Variants in USP25 observed in about 807,000 individuals in gnomAD.
The protein encoded by USP25 is ubiquitin carboxyl-terminal hydrolase 25.
A neutral mutation model predicts 158.5 loss-of-function variants in USP25; 85 were observed. That is an observed-to-expected ratio of 0.54 (90% CI 0.45 to 0.64). USP25 has a LOEUF of 0.64. Among genes scored for constraint, USP25 ranks in the 30% least tolerant of loss-of-function variants. The pLI, the probability that USP25 is intolerant of heterozygous loss-of-function variation, is 0.00. For synonymous variants in USP25, 464 were observed against 460.4 expected, an observed-to-expected ratio of 1.01 and a Z score of -0.10; for missense variants, 1,242 against 1,327.3, an observed-to-expected ratio of 0.94 and a Z score of 1.00.
At chr21:15,769,838 TA>T (rs1484450888) in intron 3 of USP25, among the ~76,000 whole-genome samples, 1 of 152,104 alleles carries the variant, frequency 6.6e-6, no homozygotes, top group Non-Finnish European at 1.5e-5. Context: ...GATCAAAAGA[TA>T]AGAGGGATTT....
intron 4 of USP25, among the ~76,000 whole-genome samples, chr21:15,779,737 G>A (rs1045044223): frequency 1.3e-5 from 2 of 151,622 alleles, no homozygotes; most frequent in African/African-American, 2.4e-5. Context: ...TTCATTCTAG[G>A]TCTTTTACAT....
At position 15,730,290 on chromosome 21, in the gene USP25, T is replaced by C. The variant is rs975902023; in HGVS notation, c.-104T>C. On this transcript the variant is annotated 5_prime_UTR_variant, in exon 1 of 26. Transcript: ENST00000400183. ...GCGGGGGCGCTGTCCTCCCAGGCCGTCCGCGCCGCTCCCTGGAGCTCGGCG... is the reference window on the plus strand; with the variant it reads ...GCGGGGGCGCTGTCCTCCCAGGCCGCCCGCGCCGCTCCCTGGAGCTCGGCG... 5.0e-6 allele frequency: 5 copies of C among 993,346 alleles called. No homozygotes were observed. Among genetic ancestry groups the C allele is most frequent in the African/African-American group, 1.8e-5 (1 of 57,040 alleles). The allele number at this position is 993,346 out of a possible 1,614,324, so 61.5% of individuals were successfully genotyped here. A position where few individuals can be genotyped will look rare whatever the true frequency, so the allele number is the denominator to read the frequency against.
chr21:15,800,655 G>T (rs2146253725), intron 6 of USP25, among the ~76,000 whole-genome samples: 1 of 151,460 alleles, frequency 6.6e-6, no homozygotes, highest in Non-Finnish European at 1.5e-5. Context: ...GGTTGATCTT[G>T]TCATAAACAA....
At chr21:15,782,270 C>A (rs1040477136) in intron 4 of USP25, among the ~76,000 whole-genome samples, 3 of 152,218 alleles carry the variant, frequency 2.0e-5, no homozygotes, top group African/African-American at 7.2e-5. Flanking sequence ...TGTGAACTTG[C>A]TCCCAGCTTG....
chr21:15,811,268 C>T (rs1230526049), intron 9 of USP25, 58 bp downstream of exon 9: 15 of 1,445,120 alleles, frequency 1.0e-5, no homozygotes, highest in African/African-American at 4.3e-5. Context: ...TTCATTCATT[C>T]GTCTCGATAG....
chr21:15,829,134 A>G (rs972805693), intron 14 of USP25, among the ~76,000 whole-genome samples: 2 of 152,162 alleles, frequency 1.3e-5, no homozygotes, highest in African/African-American at 4.8e-5. Context: ...GGTCTTCGAT[A>G]TACATATTTA....
intron 1 of USP25, among the ~76,000 whole-genome samples, chr21:15,760,253 C>T (rs1373655259): frequency 6.6e-6 from 1 of 152,200 alleles, no homozygotes; most frequent in Non-Finnish European, 1.5e-5. Context: ...TTAAAGAAGT[C>T]TCATTCATTT....
At chr21:15,762,512 G>A (rs868617844) in intron 1 of USP25, among the ~76,000 whole-genome samples, 2 of 152,144 alleles carry the variant, frequency 1.3e-5, no homozygotes, top group South Asian at 2.1e-4. Flanking sequence ...ATGTCTTGCC[G>A]AAAGCATGTC....
chr21:15,737,694 A>G (rs1035811919), intron 1 of USP25, among the ~76,000 whole-genome samples: 64 of 152,162 alleles, frequency 4.2e-4, no homozygotes, highest in African/African-American at 1.4e-3. Flanking sequence ...TTATATTTGC[A>G]ACATTTTATA....
At chr21:15,787,325 A>G (rs2123578582) in intron 4 of USP25, among the ~76,000 whole-genome samples, 1 of 152,244 alleles carries the variant, frequency 6.6e-6, no homozygotes, top group East Asian at 1.9e-4. Flanking sequence ...AACAAAAGGT[A>G]GAGGCATCAC....
intron 20 of USP25, among the ~76,000 whole-genome samples, chr21:15,856,404 C>G (rs2146516980): frequency 6.6e-6 from 1 of 152,266 alleles, no homozygotes; most frequent in African/African-American, 2.4e-5. Flanking sequence ...ATAGATGAGA[C>G]TGGCTTACAT....
chr21:15,811,878 A>G (rs1041380029), intron 9 of USP25, among the ~76,000 whole-genome samples: 1 of 152,176 alleles, frequency 6.6e-6, no homozygotes, highest in African/African-American at 2.4e-5. Context: ...CACCCAATGC[A>G]TCAACTTTTG....
chr21:15,809,386 C>T (rs1277827496), intron 8 of USP25, among the ~76,000 whole-genome samples: 1 of 151,880 alleles, frequency 6.6e-6, no homozygotes, highest in Non-Finnish European at 1.5e-5. Flanking sequence ...TTTTGTTGGG[C>T]AGAGCTATGT....
At chr21:15,849,701 A>G in intron 19 of USP25, 76 bp from the exon 20 acceptor site, 1 of 1,128,746 alleles carries the variant, frequency 8.9e-7, no homozygotes, top group South Asian at 1.6e-5. Context: ...GGAAAACAAA[A>G]GAGTTTCAGC....
chr21:15,734,541 C>G (rs576941716), intron 1 of USP25, among the ~76,000 whole-genome samples: 1 of 152,186 alleles, frequency 6.6e-6, no homozygotes, highest in South Asian at 2.1e-4. Context: ...TGTATCCAGT[C>G]TTTTAAATGA....
chr21:15,798,175 C>A (rs1315854376), intron 5 of USP25, among the ~76,000 whole-genome samples: 3 of 151,242 alleles, frequency 2.0e-5, no homozygotes, highest in African/African-American at 7.3e-5. Context: ...GGTTATTTCT[C>A]TGTCCTTAAT....
At chr21:15,866,793 A>T (rs186743466) in intron 22 of USP25, among the ~76,000 whole-genome samples, 15 of 152,252 alleles carry the variant, frequency 9.9e-5, no homozygotes, top group African/African-American at 2.9e-4. Flanking sequence ...ACACTGTAAG[A>T]TAGGTAGTGT....
intron 5 of USP25, among the ~76,000 whole-genome samples, chr21:15,792,066 GAATTATAGACACTT>G (rs2035617925): frequency 1.3e-5 from 2 of 151,838 alleles, no homozygotes; most frequent in African/African-American, 4.8e-5. Flanking sequence ...GTTATTTATA[GAATTATAGACACTT>G]AGTATTTTTA....
At position 15,808,811 on chromosome 21, in the gene USP25, A is replaced by G; in HGVS notation, c.783A>G (p.Gln261=). 9.4e-6 allele frequency: 15 copies of G among 1,599,606 alleles called. No individual in the cohort carries two copies. Among genetic ancestry groups the G allele is most frequent in the Non-Finnish European group, 1.0e-5 (12 of 1,176,114 alleles). Residue 261 remains glutamine, a splice_region_variant and synonymous_variant, in exon 8 of 26, where the codon CAA becomes CAG. Transcript: ENST00000400183. ...AACAGGCTTTTTTCTTTTCACAGCA[A>G]GATGTGAGTGAGTTTACACACAAAT... ...DAFKSNDSQQ[Q]DVSEFTHKLL...
Sources: allele counts gnomAD v4.1 joint callset (sites outside exome capture counted in the v4.1 genomes callset), GRCh38; gene constraint gnomAD v4.1.1; transcripts MANE v1.5; gene names NCBI Gene and HGNC (gene_info 2026-07-23, HGNC 2026-07-21).